NEGR1: variants seen among roughly 807,000 people sequenced by gnomAD.
The protein encoded by NEGR1 is IgLON family member 4.
Under a neutral mutation model 40.9 loss-of-function variants are expected in NEGR1, and 10 were observed. That is an observed-to-expected ratio of 0.24 (90% CI 0.15 to 0.42). The LOEUF (loss-of-function observed/expected upper bound fraction) is 0.42, where lower values mean the gene tolerates loss of function less well. Among genes scored for constraint, NEGR1 ranks in the 10% least tolerant of loss-of-function variants. NEGR1 has a pLI of 1.00. For synonymous variants in NEGR1, 185 were observed against 166.8 expected (o/e 1.11, Z -0.84); for missense variants, 352 against 438.9 (o/e 0.80, Z 1.77).
chr1:72,219,543 A>C (rs906797309), intron 1 of NEGR1, among the ~76,000 whole-genome samples: 15 of 152,046 alleles, frequency 9.9e-5, no homozygotes, highest in Non-Finnish European at 2.1e-4. Context: ...CCATGGGAAA[A>C]ATACTAGCTT....
intron 6 of NEGR1, among the ~76,000 whole-genome samples, chr1:71,552,276 T>C (rs1648109585): frequency 6.6e-6 from 1 of 150,890 alleles, no homozygotes; most frequent in Non-Finnish European, 1.5e-5. Context: ...CTTTAGTAAT[T>C]TTTCATCCAC....
intron 4 of NEGR1, among the ~76,000 whole-genome samples, chr1:71,690,115 C>T (rs1653202500): frequency 6.6e-6 from 1 of 152,032 alleles, no homozygotes; most frequent in South Asian, 2.1e-4. Flanking sequence ...TTCCACTTCT[C>T]TCCCTTCACA....
intron 4 of NEGR1, among the ~76,000 whole-genome samples, chr1:71,687,930 A>G (rs1185429339): frequency 6.6e-6 from 1 of 152,130 alleles, no homozygotes; most frequent in Non-Finnish European, 1.5e-5. Context: ...AGCTACCTAA[A>G]TTCAAATACA....
intron 1 of NEGR1, among the ~76,000 whole-genome samples, chr1:71,977,102 T>G (rs1343212631): frequency 1.3e-5 from 2 of 152,050 alleles, no homozygotes; most frequent in Non-Finnish European, 2.9e-5. Flanking sequence ...GCGGGTGGAC[T>G]GTCTGAGGTC....
intron 1 of NEGR1, among the ~76,000 whole-genome samples, chr1:71,941,537 T>C (rs1055874986): frequency 6.6e-6 from 1 of 152,186 alleles, no homozygotes; most frequent in Admixed American, 6.5e-5. Flanking sequence ...ATTATCTTTC[T>C]ATTTTTGCAG....
intron 1 of NEGR1, among the ~76,000 whole-genome samples, chr1:72,083,318 T>A (rs1416690926): frequency 6.6e-6 from 1 of 151,884 alleles, no homozygotes; most frequent in Non-Finnish European, 1.5e-5. Flanking sequence ...CCCTCTCTCC[T>A]CCCTTCCTTC....
At chr1:71,614,378 A>C (rs1192149889) in intron 4 of NEGR1, among the ~76,000 whole-genome samples, 19 of 152,210 alleles carry the variant, frequency 1.2e-4, no homozygotes, top group Non-Finnish European at 2.8e-4. Flanking sequence ...AAACACAAGA[A>C]ATCATTTCAT....
chr1:72,169,926 T>C (rs1267904416), intron 1 of NEGR1, among the ~76,000 whole-genome samples: 8 of 152,130 alleles, frequency 5.3e-5, no homozygotes, highest in Non-Finnish European at 7.4e-5. Context: ...AACCACCATA[T>C]TGAAAGAAAT....
At chr1:72,041,940 T>G (rs1361287413) in intron 1 of NEGR1, among the ~76,000 whole-genome samples, 2 of 144,214 alleles carry the variant, frequency 1.4e-5, no homozygotes, top group Non-Finnish European at 3.0e-5. Flanking sequence ...TAATATATAT[T>G]TGAGAGTCTC....
intron 6 of NEGR1, among the ~76,000 whole-genome samples, chr1:71,520,733 T>A (rs1463391990): frequency 2.0e-5 from 3 of 152,010 alleles, no homozygotes; most frequent in African/African-American, 7.2e-5. Context: ...TGTAAAAGCA[T>A]GTAAAATCAA....
At position 72,055,940 on chromosome 1, in the gene NEGR1, A is replaced by G. The variant is rs549551726; in HGVS notation, c.177-120629T>C. Among the ~76,000 whole-genome samples the G allele has an allele frequency of 3.3e-5, 5 of 150,680 alleles. No homozygotes were observed. In the East Asian group the frequency reaches 7.8e-4, roughly 23 times the overall value. On this transcript the variant is annotated intron_variant, in intron 1 of 6. Transcript: ENST00000357731. ...AATAATTACCTGTGTTACCTTAAGT[A>G]AACTACTCAATCTCTCTGGTTTCCA...
intron 2 of NEGR1, among the ~76,000 whole-genome samples, chr1:71,901,404 C>A (rs1382861105): frequency 6.6e-6 from 1 of 152,112 alleles, no homozygotes; most frequent in Admixed American, 6.6e-5. Context: ...ATGTAGGCCC[C>A]ATGAGAGCAG....
At chr1:72,262,029 G>A (rs978175774) in intron 1 of NEGR1, among the ~76,000 whole-genome samples, 1 of 151,972 alleles carries the variant, frequency 6.6e-6, no homozygotes. Flanking sequence ...AAAAAGAAGG[G>A]AAGAAAGACA....
chr1:71,562,253 TA>T (rs1648486155), intron 6 of NEGR1, among the ~76,000 whole-genome samples: 1 of 151,880 alleles, frequency 6.6e-6, no homozygotes, highest in South Asian at 2.1e-4. Context: ...TCTGCTCTGT[TA>T]CCTATTCTGT....
At chr1:71,707,265 C>T (rs1406431746) in intron 3 of NEGR1, among the ~76,000 whole-genome samples, 3 of 152,100 alleles carry the variant, frequency 2.0e-5, no homozygotes, top group Non-Finnish European at 4.4e-5. Flanking sequence ...TAGAGGGGAG[C>T]CCACTGCCCT....
chr1:71,681,096 T>G (rs527339232), intron 4 of NEGR1, among the ~76,000 whole-genome samples: 33 of 152,362 alleles, frequency 2.2e-4, no homozygotes, highest in Non-Finnish European at 4.1e-4. Context: ...CATACACATC[T>G]ATGATTATCA....
At chr1:71,943,354 T>C (rs766274288) in intron 1 of NEGR1, among the ~76,000 whole-genome samples, 1 of 150,878 alleles carries the variant, frequency 6.6e-6, no homozygotes, top group Non-Finnish European at 1.5e-5. Flanking sequence ...TATACATATA[T>C]ATGTATATAT....
At chr1:72,185,241 A>T (rs1420523402) in intron 1 of NEGR1, among the ~76,000 whole-genome samples, 2 of 151,936 alleles carry the variant, frequency 1.3e-5, no homozygotes, top group African/African-American at 4.8e-5. Context: ...TTATTAAAGA[A>T]GAGACCATAA....
At chr1:72,080,934 G>A (rs1247126616) in intron 1 of NEGR1, among the ~76,000 whole-genome samples, 3 of 149,364 alleles carry the variant, frequency 2.0e-5, no homozygotes, top group Admixed American at 1.5e-4. Flanking sequence ...ATGAATGAAC[G>A]AATGAATGAA....
Sources: gnomAD v4.1 joint callset for allele counts (sites outside exome capture counted in the v4.1 genomes callset) on GRCh38, gnomAD v4.1.1 for gene constraint, MANE v1.5 for transcripts, NCBI Gene and HGNC (gene_info 2026-07-23, HGNC 2026-07-21) for gene names.